Variants in RORA observed in about 807,000 individuals in gnomAD.
The protein encoded by RORA is nuclear receptor ROR-alpha.
Under a neutral mutation model 69.5 loss-of-function variants are expected in RORA, and 7 were observed. That is an observed-to-expected ratio of 0.10 (90% CI 0.06 to 0.19). The LOEUF (loss-of-function observed/expected upper bound fraction) is 0.19, where lower values mean the gene tolerates loss of function less well. Among genes scored for constraint, RORA ranks in the 10% least tolerant of loss-of-function variants. The pLI, the probability that RORA is intolerant of heterozygous loss-of-function variation, is 1.00. For missense variants in RORA, 457 were observed against 663.0 expected (o/e 0.69, Z 3.41); for synonymous variants, 261 against 240.8 (o/e 1.08, Z -0.78).
At chr15:60,924,833 C>A (rs563797544) in intron 1 of RORA, among the ~76,000 whole-genome samples, 10 of 152,240 alleles carry the variant, frequency 6.6e-5, no homozygotes, top group African/African-American at 2.4e-4. Context: ...AATCCCAGCA[C>A]TTTGGGAGGC....
chr15:60,820,392 C>T (rs1012539091), intron 1 of RORA, among the ~76,000 whole-genome samples: 3 of 152,050 alleles, frequency 2.0e-5, no homozygotes, highest in African/African-American at 7.2e-5. Flanking sequence ...CAGGAAAATC[C>T]CCCTCACCCT....
chr15:60,556,582 G>A (rs2067366154), intron 2 of RORA, among the ~76,000 whole-genome samples: 2 of 152,148 alleles, frequency 1.3e-5, no homozygotes, highest in African/African-American at 4.8e-5. Flanking sequence ...TGTTCACTCT[G>A]CAGGTGAAGA....
intron 1 of RORA, among the ~76,000 whole-genome samples, chr15:60,754,919 G>A (rs1197582666): frequency 6.6e-6 from 1 of 151,576 alleles, no homozygotes; most frequent in East Asian, 1.9e-4. Context: ...GCTCAGTCTG[G>A]AATGGATATC....
At chr15:61,108,071 G>A (rs1306888470) in intron 1 of RORA, among the ~76,000 whole-genome samples, 5 of 152,130 alleles carry the variant, frequency 3.3e-5, no homozygotes, top group Non-Finnish European at 5.9e-5. Flanking sequence ...AGCCCTCACT[G>A]CTGAAAATTC....
At chr15:60,956,314 C>T (rs1893266531) in intron 1 of RORA, among the ~76,000 whole-genome samples, 1 of 152,030 alleles carries the variant, frequency 6.6e-6, no homozygotes, top group Admixed American at 6.6e-5. Flanking sequence ...TCATGTATTA[C>T]CATTTAATTC....
intron 1 of RORA, among the ~76,000 whole-genome samples, chr15:60,918,520 G>C (rs747586975): frequency 1.3e-5 from 2 of 152,106 alleles, no homozygotes; most frequent in Admixed American, 6.6e-5. Flanking sequence ...GTAGAAACTG[G>C]GCACTTTGGA....
intron 1 of RORA, among the ~76,000 whole-genome samples, chr15:60,824,445 A>AT (rs1295981681): frequency 1.2e-4 from 17 of 137,612 alleles, no homozygotes; most frequent in African/African-American, 4.4e-4. Context: ...ATCTTCCCTT[A>AT]TTAAAAAAAA....
At chr15:60,560,965 AT>A (rs1209206460) in intron 2 of RORA, among the ~76,000 whole-genome samples, 1 of 152,030 alleles carries the variant, frequency 6.6e-6, no homozygotes, top group Non-Finnish European at 1.5e-5. Context: ...ATGTCTGTAT[AT>A]ACACATCTGT....
intron 2 of RORA, among the ~76,000 whole-genome samples, chr15:60,566,557 T>C (rs1470804988): frequency 1.3e-5 from 2 of 152,150 alleles, no homozygotes; most frequent in East Asian, 1.9e-4. Context: ...CCCAATAAAG[T>C]TGGGTTCCTA....
chr15:61,121,022 G>C (rs2079098585), intron 1 of RORA, among the ~76,000 whole-genome samples: 1 of 151,552 alleles, frequency 6.6e-6, no homozygotes, highest in Admixed American at 6.6e-5. Context: ...TAATTTTTTT[G>C]TATTTTTGGT....
At chr15:60,808,637 A>C (rs557120793) in intron 1 of RORA, among the ~76,000 whole-genome samples, 1 of 151,462 alleles carries the variant, frequency 6.6e-6, no homozygotes, top group Admixed American at 6.6e-5. Flanking sequence ...CACATTTTAC[A>C]ATTGCAAAAA....
At chr15:60,681,715 A>C (rs1349350357) in intron 1 of RORA, 1 of 151,668 alleles carries the variant, frequency 6.6e-6, no homozygotes, top group Non-Finnish European at 1.5e-5. Flanking sequence ...TCTTTTTCTC[A>C]TTTTCCTAGA....
In RORA at chr15:60,690,979, G is replaced by A. The variant is rs534182287; in HGVS notation, c.167-12293C>T. 2.6e-5 allele frequency among the ~76,000 whole-genome samples: 4 copies of A among 152,270 alleles called. No individual in the cohort carries two copies. The South Asian group carries it at 6.2e-4, about 24-fold the overall frequency. On this transcript the variant is annotated intron_variant, in intron 1 of 10. Transcript: ENST00000335670. ...CTCAAACTCCTTCCACAGTTAAGAGGGTCCTACATGATCCGGCCTGCCTGG... is the reference window on the plus strand; with the variant it reads ...CTCAAACTCCTTCCACAGTTAAGAGAGTCCTACATGATCCGGCCTGCCTGG...
intron 2 of RORA, among the ~76,000 whole-genome samples, chr15:60,649,863 C>T (rs908552979): frequency 2.6e-5 from 4 of 152,270 alleles, no homozygotes; most frequent in East Asian, 3.9e-4. Flanking sequence ...TCTCTGGCAA[C>T]GGAAAGCTCA....
chr15:61,018,751 C>T (rs940059142), intron 1 of RORA, among the ~76,000 whole-genome samples: 5 of 152,154 alleles, frequency 3.3e-5, no homozygotes, highest in East Asian at 3.9e-4. Context: ...CATATGAGTA[C>T]GTATGTATAT....
Position 61,035,406 on chromosome 15 carries a change from A to C in RORA, c.166+193647T>G, listed in dbSNP as rs376255723. 1.7e-3 allele frequency among the ~76,000 whole-genome samples: 261 copies of C among 152,348 alleles called. 1 individual carries two copies. Among genetic ancestry groups the C allele is most frequent in the African/African-American group, 6.0e-3 (248 of 41,576 alleles). Reference sequence around the variant, plus strand: ...TTAGGAGAGTTTTTAATCTAACGACAATAAAGAACTAAGCGGCAGCAAAAT... The same window carrying C: ...TTAGGAGAGTTTTTAATCTAACGACCATAAAGAACTAAGCGGCAGCAAAAT... On this transcript the variant is annotated intron_variant, in intron 1 of 10. Transcript: ENST00000335670.
chr15:60,758,553 A>T (rs1352697803), intron 1 of RORA, among the ~76,000 whole-genome samples: 1 of 152,130 alleles, frequency 6.6e-6, no homozygotes, highest in African/African-American at 2.4e-5. Flanking sequence ...TTTCAAATAC[A>T]GTTGGGGAGT....
At chr15:60,620,198 C>A (rs150796003) in intron 2 of RORA, among the ~76,000 whole-genome samples, 4 of 152,216 alleles carry the variant, frequency 2.6e-5, no homozygotes, top group African/African-American at 9.6e-5. Flanking sequence ...ACAGATGGAT[C>A]TGAATAATAT....
intron 2 of RORA, among the ~76,000 whole-genome samples, chr15:60,548,118 C>T (rs1314189030): frequency 2.0e-5 from 3 of 152,158 alleles, no homozygotes; most frequent in African/African-American, 4.8e-5. Context: ...CTACAACTAC[C>T]CCTACACAGA....
Sources: gnomAD v4.1 joint callset for allele counts (sites outside exome capture counted in the v4.1 genomes callset) on GRCh38, gnomAD v4.1.1 for gene constraint, MANE v1.5 for transcripts, NCBI Gene and HGNC (gene_info 2026-07-23, HGNC 2026-07-21) for gene names.